Variants in DGCR2 observed in about 807,000 individuals in gnomAD.
The protein encoded by DGCR2 is DiGeorge syndrome critical region gene 2, also known as integral membrane protein DGCR2/IDD.
In DGCR2, 24 loss-of-function variants were observed where a neutral mutation model predicts 51.6. The ratio of observed to expected loss-of-function variants is 0.47; its 90% CI spans 0.34 to 0.65. The LOEUF (loss-of-function observed/expected upper bound fraction) is 0.65, where lower values mean the gene tolerates loss of function less well. Ranked by LOEUF, DGCR2 falls within the 30% of genes least tolerant of loss-of-function variation. The probability of loss-of-function intolerance (pLI) is 0.01; values close to 1 mark genes in which losing one functional copy is unlikely to be tolerated. For synonymous variants in DGCR2, 340 were observed against 315.4 expected, an observed-to-expected ratio of 1.08 and a Z score of -0.82; for missense variants, 765 against 772.1, an observed-to-expected ratio of 0.99 and a Z score of 0.11.
At chr22:19,103,136 C>T (rs1422915473) in intron 1 of DGCR2, among the ~76,000 whole-genome samples, 5 of 151,908 alleles carry the variant, frequency 3.3e-5, no homozygotes, top group African/African-American at 1.2e-4. Flanking sequence ...TGAAAGAAGC[C>T]AGACACAAAG....
chr22:19,092,820 T>G (rs571763609), intron 1 of DGCR2, among the ~76,000 whole-genome samples: 2 of 152,058 alleles, frequency 1.3e-5, no homozygotes, highest in African/African-American at 2.4e-5. Context: ...AAGACCTAGG[T>G]GCAAAGGCAG....
At chr22:19,062,775 GCTCACTCTCT>G (rs2082686832) in intron 5 of DGCR2, among the ~76,000 whole-genome samples, 1 of 108,860 alleles carries the variant, frequency 9.2e-6, no homozygotes, top group Non-Finnish European at 1.9e-5. Context: ...ACACATGCAT[GCTCACTCTCT>G]CTCTCTCTCT....
chr22:19,074,102 A>G (rs1397319973), intron 2 of DGCR2, among the ~76,000 whole-genome samples: 2 of 152,198 alleles, frequency 1.3e-5, no homozygotes, highest in African/African-American at 4.8e-5. Context: ...GATTCACACC[A>G]AATTGGAAAA....
chr22:19,054,351 G>C (rs2082579086), intron 6 of DGCR2, among the ~76,000 whole-genome samples: 1 of 152,210 alleles, frequency 6.6e-6, no homozygotes, highest in South Asian at 2.1e-4. Flanking sequence ...TGTAACTGGT[G>C]AGTCTGTGTA....
Position 19,065,033 on chromosome 22 carries a change from G to A in DGCR2, c.363C>T (p.His121=). The change falls in exon 4 of 10, where the codon CAC becomes CAT. Residue 121 remains histidine (H), a synonymous_variant. Transcript: ENST00000263196. ...GGTAGCAGCTGGCCGTGCCTTCGTA[G>A]TGGTGCCACCCTGTCGGGCACTTCC... ...FLGKCPTGWH[H]YEGTASCYRV... 1 of 1,614,054 alleles carries A rather than the reference G, an allele frequency of 6.2e-7. No homozygotes were observed. Among genetic ancestry groups the A allele is most frequent in the Non-Finnish European group, 8.5e-7 (1 of 1,180,040 alleles).
chr22:19,100,705 T>G (rs927177709), intron 1 of DGCR2, among the ~76,000 whole-genome samples: 6 of 151,232 alleles, frequency 4.0e-5, no homozygotes, highest in Non-Finnish European at 8.8e-5. Context: ...GTTCCTAGAC[T>G]TCTTCATTCT....
At chr22:19,087,945 A>C (rs2083036121) in intron 2 of DGCR2, among the ~76,000 whole-genome samples, 1 of 152,116 alleles carries the variant, frequency 6.6e-6, no homozygotes, top group Non-Finnish European at 1.5e-5. Context: ...TCAGCCTCCC[A>C]AAGTGTTGGG....
At chr22:19,051,592 G>A (rs1424781935) in intron 6 of DGCR2, among the ~76,000 whole-genome samples, 2 of 152,116 alleles carry the variant, frequency 1.3e-5, no homozygotes, top group African/African-American at 2.4e-5. Flanking sequence ...CAGGCATGAC[G>A]GTGCACACCT....
intron 5 of DGCR2, chr22:19,060,625 G>T (rs111708489): frequency 8.6e-6 from 2 of 232,280 alleles, no homozygotes; most frequent in Non-Finnish European, 1.8e-5. Context: ...ACGTGGGGCG[G>T]TGTGGATGAT....
intron 2 of DGCR2, among the ~76,000 whole-genome samples, chr22:19,075,166 G>A (rs559414259): frequency 2.8e-4 from 42 of 149,974 alleles, no homozygotes; most frequent in South Asian, 2.5e-3. Flanking sequence ...AGTGGCTCAC[G>A]CCTGTAATCC....
intron 1 of DGCR2, among the ~76,000 whole-genome samples, chr22:19,100,147 G>GTAA (rs1569082384): frequency 6.6e-6 from 1 of 151,876 alleles, no homozygotes; most frequent in Non-Finnish European, 1.5e-5. Flanking sequence ...GCACACACCT[G>GTAA]TAATCCCAGC....
intron 1 of DGCR2, among the ~76,000 whole-genome samples, chr22:19,093,069 A>C (rs1260919701): frequency 6.6e-6 from 1 of 152,204 alleles, no homozygotes; most frequent in Non-Finnish European, 1.5e-5. Flanking sequence ...CCGCATAAAA[A>C]ATTCAGAATA....
chr22:19,096,791 A>G (rs2083145389), intron 1 of DGCR2, among the ~76,000 whole-genome samples: 1 of 151,626 alleles, frequency 6.6e-6, no homozygotes, highest in East Asian at 1.9e-4. Context: ...AGGCACAATC[A>G]TGGTGCCTCA....
intron 4 of DGCR2, among the ~76,000 whole-genome samples, chr22:19,063,612 G>C (rs1240401738): frequency 1.3e-5 from 2 of 151,396 alleles, no homozygotes; most frequent in East Asian, 1.9e-4. Context: ...GCTTCCCAAA[G>C]TGCTGGGATT....
At chr22:19,086,055 A>T (rs1034628879) in intron 2 of DGCR2, among the ~76,000 whole-genome samples, 4 of 152,356 alleles carry the variant, frequency 2.6e-5, no homozygotes, top group East Asian at 1.9e-4. Context: ...CTTTTAAAAT[A>T]AACTAGAAAA....
intron 2 of DGCR2, among the ~76,000 whole-genome samples, chr22:19,075,473 A>C (rs2082865370): frequency 6.6e-6 from 1 of 152,102 alleles, no homozygotes; most frequent in Admixed American, 6.5e-5. Context: ...TGTACAGTTA[A>C]GTGGCATTAT....
At chr22:19,047,517 G>A (rs1157535194) in intron 7 of DGCR2, 1 of 152,204 alleles carries the variant, frequency 6.6e-6, no homozygotes, top group East Asian at 1.9e-4. Flanking sequence ...TGGCACCCAA[G>A]AAAGAAAGAA....
At chr22:19,070,873 C>T (rs999147501) in intron 2 of DGCR2, among the ~76,000 whole-genome samples, 3 of 152,224 alleles carry the variant, frequency 2.0e-5, no homozygotes, top group African/African-American at 7.2e-5. Flanking sequence ...CAGGCCTTTG[C>T]CAGCAAGAAG....
rs1031921999 is a variant in DGCR2, at chr22:19,038,217, C to G, written c.*648G>C. The G allele has an allele frequency of 6.5e-6, 1 of 153,004 alleles. No individual in the cohort carries two copies. The highest frequency in any genetic ancestry group is 1.5e-5 in the Non-Finnish European group (1 of 68,594). 9.5% of individuals were successfully genotyped at this position (153,004 alleles called of 1,614,324 possible). The stretch of plus-strand genomic sequence containing the variant: ...GGAAAGACACAGTGAAGAGCTCAAC[C>G]TCCTTCCAAGCTCTCCTTCTCAGGG... On this transcript the variant is annotated 3_prime_UTR_variant, in exon 10 of 10. Transcript: ENST00000263196.
Sources: gnomAD v4.1 joint callset for allele counts (sites outside exome capture counted in the v4.1 genomes callset) on GRCh38, gnomAD v4.1.1 for gene constraint, MANE v1.5 for transcripts, NCBI Gene and HGNC (gene_info 2026-07-23, HGNC 2026-07-21) for gene names.